The following NELL2 variants were observed in gnomAD, a reference collection of about 807,000 sequenced individuals.
The protein encoded by NELL2 is neural EGFL like 2.
Under a neutral mutation model 109.6 loss-of-function variants are expected in NELL2, and 41 were observed. The ratio of observed to expected loss-of-function variants is 0.37; its 90% CI spans 0.29 to 0.49. The LOEUF (loss-of-function observed/expected upper bound fraction) is 0.49. Among genes scored for constraint, NELL2 ranks in the 20% least tolerant of loss-of-function variants. NELL2 has a pLI of 0.98. For synonymous variants in NELL2, 355 were observed against 344.7 expected, an observed-to-expected ratio of 1.03 and a Z score of -0.33; for missense variants, 900 against 1,008.3, an observed-to-expected ratio of 0.89 and a Z score of 1.45.
In NELL2 at chr12:44,541,985, T is replaced by C. The variant is rs964655199; in HGVS notation, c.1664-9264A>G. Among the ~76,000 whole-genome samples the C allele has an allele frequency of 3.3e-5, 5 of 152,322 alleles. No individual in the cohort carries two copies. In the East Asian group the frequency reaches 7.7e-4, roughly 24 times the overall value. Reference sequence around the variant, plus strand: ...AGGTCTAACCCTTGCCCATACACAATGTTGCCTCACAAATAAATGAAACAA... The same window carrying C: ...AGGTCTAACCCTTGCCCATACACAACGTTGCCTCACAAATAAATGAAACAA... On this transcript the variant is annotated intron_variant, in intron 15 of 19. Coordinates refer to ENST00000429094, the MANE Select transcript of NELL2 (RefSeq NM_001145108.2).
chr12:44,897,610 G>T (rs915009682), intron 1 of NELL2, among the ~76,000 whole-genome samples: 2 of 152,122 alleles, frequency 1.3e-5, no homozygotes, highest in African/African-American at 2.4e-5. Context: ...TTTTCCCAAG[G>T]TCTTCAAAAC....
chr12:44,747,642 T>C (rs34059115), intron 9 of NELL2, among the ~76,000 whole-genome samples: 19,661 of 152,072 alleles, frequency 0.13, 1,497 homozygotes, highest in East Asian at 0.21. Flanking sequence ...CTCCACACTG[T>C]TTAACGGTCA....
rs764134998 is a variant in NELL2 at position 44,774,823 on chromosome 12, T to C, written c.918A>G (p.Leu306=). 6.8e-6 allele frequency: 11 copies of C among 1,614,028 alleles called. No homozygotes were observed. Among genetic ancestry groups the C allele is most frequent in the Non-Finnish European group, 7.6e-6 (9 of 1,179,886 alleles). ...CLNGTIQCET[L]ICPNPDCPLK... The stretch of plus-strand genomic sequence containing the variant: ...GTGGGCAGTCAGGATTTGGGCAGAT[T>C]AGAGTTTCACACTGGATGGTTCCAT... Residue 306 remains leucine, a synonymous_variant, in exon 9 of 20, where the codon CTA becomes CTG. Coordinates refer to ENST00000429094, the MANE Select transcript of NELL2 (RefSeq NM_001145108.2).
chr12:44,576,488 C>T (rs1944089644), intron 15 of NELL2, among the ~76,000 whole-genome samples: 1 of 152,034 alleles, frequency 6.6e-6, no homozygotes, highest in South Asian at 2.1e-4. Flanking sequence ...TTATTACCAT[C>T]TCATTCCTGG....
chr12:44,788,604 A>G (rs1230584873), intron 3 of NELL2, among the ~76,000 whole-genome samples: 1 of 152,216 alleles, frequency 6.6e-6, no homozygotes, highest in Non-Finnish European at 1.5e-5. Context: ...TGTCAAAGGC[A>G]GAAGGAAATC....
At chr12:44,876,929 G>A, upstream of NELL2, 1 of 1,237,490 alleles carries the variant, frequency 8.1e-7, no homozygotes, top group Non-Finnish European at 1.0e-6. Context: ...CGGGGCGCTG[G>A]AGAGCTTCCC....
chr12:44,797,705 C>T (rs1188856255), intron 3 of NELL2, among the ~76,000 whole-genome samples: 4 of 150,780 alleles, frequency 2.7e-5, no homozygotes, highest in East Asian at 2.0e-4. Flanking sequence ...CATTAAGTAT[C>T]GCTCCTTGAA....
intron 12 of NELL2, among the ~76,000 whole-genome samples, chr12:44,701,340 T>C (rs1310166783): frequency 6.6e-6 from 1 of 152,074 alleles, no homozygotes; most frequent in Non-Finnish European, 1.5e-5. Context: ...GTTTTGAAGA[T>C]TATATATTTA....
chr12:44,566,999 A>T (rs1479080973), intron 15 of NELL2, among the ~76,000 whole-genome samples: 2 of 152,046 alleles, frequency 1.3e-5, no homozygotes, highest in Non-Finnish European at 2.9e-5. Context: ...TTCAGTAGAG[A>T]TGGGGTTTCA....
chr12:44,597,105 T>C (rs959736003), intron 15 of NELL2, among the ~76,000 whole-genome samples: 4 of 152,304 alleles, frequency 2.6e-5, no homozygotes, highest in South Asian at 2.1e-4. Context: ...CCTATGGTTC[T>C]TGTGATTAGT....
intron 2 of NELL2, among the ~76,000 whole-genome samples, chr12:44,851,356 A>C (rs1944529253): frequency 6.6e-6 from 1 of 152,192 alleles, no homozygotes; most frequent in African/African-American, 2.4e-5. Context: ...TACAGAATTT[A>C]ACAGTCATTT....
chr12:44,674,294 G>T (rs1300720464), intron 12 of NELL2, among the ~76,000 whole-genome samples: 1 of 152,060 alleles, frequency 6.6e-6, no homozygotes, highest in East Asian at 1.9e-4. Flanking sequence ...ATAACAACAT[G>T]AGTTCCTACA....
intron 3 of NELL2, among the ~76,000 whole-genome samples, chr12:44,803,500 T>C (rs1942901549): frequency 6.6e-6 from 1 of 152,006 alleles, no homozygotes; most frequent in African/African-American, 2.4e-5. Context: ...TGGAGGGTGA[T>C]GAAGCAAATG....
Position 44,734,742 on chromosome 12 carries a change from T to C in NELL2, c.995-20001A>G, listed in dbSNP as rs560506419. On this transcript the variant is annotated intron_variant, in intron 9 of 19. Coordinates refer to ENST00000429094, the MANE Select transcript of NELL2 (RefSeq NM_001145108.2). ...TATTCTCCCTACTATAATGTTATTGTTGTATTTTTAAATTTCTATACATTT... is the reference window on the plus strand; with the variant it reads ...TATTCTCCCTACTATAATGTTATTGCTGTATTTTTAAATTTCTATACATTT... Among the ~76,000 whole-genome samples the C allele has an allele frequency of 3.0e-4, 45 of 152,146 alleles. No individual in the cohort carries two copies. In the South Asian group the frequency reaches 5.0e-3, roughly 17 times the overall value.
At chr12:44,626,140 T>C (rs1191251136) in intron 13 of NELL2, among the ~76,000 whole-genome samples, 2 of 152,276 alleles carry the variant, frequency 1.3e-5, no homozygotes, top group Non-Finnish European at 2.9e-5. Flanking sequence ...TATTCACCTG[T>C]AGCCTTCTTA....
chr12:44,888,848 A>G (rs1945503628), intron 1 of NELL2, among the ~76,000 whole-genome samples: 1 of 148,648 alleles, frequency 6.7e-6, no homozygotes, highest in Non-Finnish European at 1.5e-5. Flanking sequence ...AATAAAAAAA[A>G]AATAAATAAA....
chr12:44,682,010 T>C (rs931941983), intron 12 of NELL2, among the ~76,000 whole-genome samples: 2 of 151,816 alleles, frequency 1.3e-5, no homozygotes, highest in Admixed American at 1.3e-4. Context: ...TCCACAATGA[T>C]TGAACTAGTT....
intron 2 of NELL2, among the ~76,000 whole-genome samples, chr12:44,867,617 TCCTAG>T (rs1171298723): frequency 6.6e-6 from 1 of 152,110 alleles, no homozygotes; most frequent in Non-Finnish European, 1.5e-5. Flanking sequence ...GTACTGTAAG[TCCTAG>T]ACTTGCAATT....
chr12:44,894,918 A>C (rs1323270936), intron 1 of NELL2, among the ~76,000 whole-genome samples: 1 of 152,214 alleles, frequency 6.6e-6, no homozygotes, highest in Non-Finnish European at 1.5e-5. Context: ...TCTTGTAGAA[A>C]GACCAAGAGT....
Sources: allele counts gnomAD v4.1 joint callset (sites outside exome capture counted in the v4.1 genomes callset), GRCh38; gene constraint gnomAD v4.1.1; transcripts MANE v1.5; gene names NCBI Gene and HGNC (gene_info 2026-07-23, HGNC 2026-07-21).